The following CA8 variants were observed in gnomAD, a reference collection of about 807,000 sequenced individuals.
The protein encoded by CA8 is carbonic anhydrase-related protein.
In CA8, 22 loss-of-function variants were observed where a neutral mutation model predicts 41.4. The ratio of observed to expected loss-of-function variants is 0.53; its 90% CI spans 0.38 to 0.76. The LOEUF is 0.76. CA8 is among the 30% of genes least tolerant of loss of function. The pLI is 0.00. For missense variants in CA8, 270 were observed against 352.8 expected, an observed-to-expected ratio of 0.77 and a Z score of 1.88; for synonymous variants, 121 against 130.6, an observed-to-expected ratio of 0.93 and a Z score of 0.50.
At chr8:60,259,897 A>C (rs894252664) in intron 3 of CA8, among the ~76,000 whole-genome samples, 2 of 151,402 alleles carry the variant, frequency 1.3e-5, no homozygotes, top group Non-Finnish European at 2.9e-5. Flanking sequence ...TCATCATCAT[A>C]ATAATTATTA....
intron 2 of CA8, among the ~76,000 whole-genome samples, chr8:60,275,045 C>T (rs1804187228): frequency 6.6e-6 from 1 of 152,212 alleles, no homozygotes; most frequent in Admixed American, 6.5e-5. Context: ...TAATAGTCTC[C>T]TGTCTGTGCC....
At chr8:60,280,303 C>A (rs751847537) in intron 1 of CA8, among the ~76,000 whole-genome samples, 2 of 152,162 alleles carry the variant, frequency 1.3e-5, no homozygotes, top group Non-Finnish European at 2.9e-5. Flanking sequence ...AGTAAATAGA[C>A]GCCCCTTATC....
At chr8:60,261,083 A>G (rs1290122460) in intron 3 of CA8, among the ~76,000 whole-genome samples, 4 of 152,016 alleles carry the variant, frequency 2.6e-5, no homozygotes, top group African/African-American at 4.8e-5. Flanking sequence ...TGCCGCCTGG[A>G]AAGAGAAGAA....
intron 8 of CA8, among the ~76,000 whole-genome samples, chr8:60,207,712 G>A (rs928932041): frequency 2.6e-5 from 4 of 152,052 alleles, no homozygotes; most frequent in Non-Finnish European, 4.4e-5. Flanking sequence ...CCAAGCCTCC[G>A]CATCTATCAC....
At chr8:60,248,346 T>C (rs1332747031) in intron 3 of CA8, among the ~76,000 whole-genome samples, 1 of 152,248 alleles carries the variant, frequency 6.6e-6, no homozygotes. Flanking sequence ...TCCTGAATGG[T>C]ACTGCCTTGG....
chr8:60,215,960 T>C (rs1807006443), intron 7 of CA8, among the ~76,000 whole-genome samples: 1 of 152,224 alleles, frequency 6.6e-6, no homozygotes, highest in Non-Finnish European at 1.5e-5. Context: ...AGCAGCTTAA[T>C]TACATACATA....
intron 8 of CA8, among the ~76,000 whole-genome samples, chr8:60,201,446 A>G (rs1323125447): frequency 6.6e-6 from 1 of 152,186 alleles, no homozygotes; most frequent in African/African-American, 2.4e-5. Flanking sequence ...TGTAGCATGC[A>G]GAGGATGAAA....
intron 4 of CA8, among the ~76,000 whole-genome samples, chr8:60,227,583 A>C (rs1195641350): frequency 6.6e-6 from 1 of 152,206 alleles, no homozygotes; most frequent in Non-Finnish European, 1.5e-5. Context: ...TACTCAGTAC[A>C]TGTTCAAACC....
intron 3 of CA8, among the ~76,000 whole-genome samples, chr8:60,252,103 A>T (rs190615660): frequency 4.6e-5 from 7 of 152,276 alleles, no homozygotes; most frequent in Non-Finnish European, 5.9e-5. Flanking sequence ...ATTCTATTTT[A>T]AAAAATTTAT....
At chr8:60,265,785 T>A (rs1415049313) in intron 3 of CA8, 140 bp downstream of exon 3, 5 of 935,076 alleles carry the variant, frequency 5.3e-6, no homozygotes, top group Non-Finnish European at 8.1e-6. Flanking sequence ...TTCCATTGCA[T>A]TAAGCATTTT....
chr8:60,211,312 A>G (rs142604259), intron 7 of CA8, among the ~76,000 whole-genome samples: 78 of 152,372 alleles, frequency 5.1e-4, no homozygotes, highest in African/African-American at 1.9e-3. Context: ...ATATTTAGCT[A>G]CAGTTGTATA....
intron 2 of CA8, among the ~76,000 whole-genome samples, chr8:60,277,475 C>T (rs144838397): frequency 2.8e-4 from 43 of 152,080 alleles, no homozygotes; most frequent in African/African-American, 7.7e-4. Flanking sequence ...TGCCTCAACG[C>T]CCCAAGTAGC....
chr8:60,269,425 A>C (rs1803999168), intron 2 of CA8, among the ~76,000 whole-genome samples: 1 of 152,226 alleles, frequency 6.6e-6, no homozygotes, highest in Admixed American at 6.5e-5. Flanking sequence ...TTTTTTTAGA[A>C]AAGGAACTTG....
chr8:60,230,105 G>C (rs1454149728), intron 4 of CA8, among the ~76,000 whole-genome samples: 1 of 152,130 alleles, frequency 6.6e-6, no homozygotes, highest in Non-Finnish European at 1.5e-5. Flanking sequence ...ATTTTGCTTT[G>C]TGTGTCTCAG....
chr8:60,202,047 CTT>C (rs780582775), intron 8 of CA8, among the ~76,000 whole-genome samples: 11 of 139,694 alleles, frequency 7.9e-5, no homozygotes, highest in Admixed American at 2.1e-4. Context: ...GACTCAGTTT[CTT>C]TTTTTTTTTT....
chr8:60,276,369 A>G (rs1804236699), intron 2 of CA8, among the ~76,000 whole-genome samples: 1 of 152,216 alleles, frequency 6.6e-6, no homozygotes, highest in South Asian at 2.1e-4. Context: ...GACAAGGAGG[A>G]GCGAGGGAGG....
intron 3 of CA8, among the ~76,000 whole-genome samples, chr8:60,252,088 T>G (rs932352953): frequency 6.6e-6 from 1 of 152,176 alleles, no homozygotes; most frequent in Non-Finnish European, 1.5e-5. Context: ...ATTCCTTATC[T>G]TTATATTCTA....
chr8:60,257,663 A>G (rs1042065270), intron 3 of CA8, among the ~76,000 whole-genome samples: 1 of 152,180 alleles, frequency 6.6e-6, no homozygotes, highest in East Asian at 1.9e-4. Context: ...CCCCATCAAG[A>G]AAATTTTCCT....
At chr8:60,219,776 A>G (rs1429083699) in intron 7 of CA8, among the ~76,000 whole-genome samples, 1 of 152,112 alleles carries the variant, frequency 6.6e-6, no homozygotes, top group Admixed American at 6.5e-5. Flanking sequence ...TGTGTCAACC[A>G]GGCAAAGGTT....
Sources: allele counts gnomAD v4.1 joint callset (sites outside exome capture counted in the v4.1 genomes callset), GRCh38; gene constraint gnomAD v4.1.1; transcripts MANE v1.5; gene names NCBI Gene and HGNC (gene_info 2026-07-23, HGNC 2026-07-21).